CERS6: variants seen among roughly 807,000 people sequenced by gnomAD.
CERS6 encodes the protein LAG1 homolog, ceramide synthase 6.
A neutral mutation model predicts 56.8 loss-of-function variants in CERS6; 26 were observed. The observed-to-expected ratio is 0.46, with a 90% CI of 0.34 to 0.63. The LOEUF (loss-of-function observed/expected upper bound fraction) is 0.63, where lower values mean the gene tolerates loss of function less well. Among genes scored for constraint, CERS6 ranks in the 30% least tolerant of loss-of-function variants. The pLI is 0.01. For missense variants in CERS6, 415 were observed against 467.5 expected, an observed-to-expected ratio of 0.89 and a Z score of 1.04; for synonymous variants, 164 against 173.3, an observed-to-expected ratio of 0.95 and a Z score of 0.42.
chr2:168,479,845 T>C (rs1199813629), intron 1 of CERS6, among the ~76,000 whole-genome samples: 1 of 152,154 alleles, frequency 6.6e-6, no homozygotes, highest in Non-Finnish European at 1.5e-5. Flanking sequence ...CGACCTAAGG[T>C]GATCTGCCCG....
intron 1 of CERS6, among the ~76,000 whole-genome samples, chr2:168,536,238 G>T (rs1362206445): frequency 6.6e-6 from 1 of 152,124 alleles, no homozygotes; most frequent in South Asian, 2.1e-4. Context: ...TAACAACATG[G>T]TGGGACTTTG....
In CERS6 at chr2:168,456,372, G is replaced by A. The variant is rs1693651178; in HGVS notation, c.-77G>A. 5 of 1,204,838 alleles carry A rather than the reference G, an allele frequency of 4.1e-6. No individual in the cohort carries two copies. The highest frequency in any genetic ancestry group is 5.5e-6 in the Non-Finnish European group (5 of 910,008). The allele number at this position is 1,204,838 out of a possible 1,614,324, so 74.6% of individuals were successfully genotyped here. On this transcript the variant is annotated 5_prime_UTR_variant, in exon 1 of 10. Transcript: ENST00000305747. The surrounding 1 kb of genome is among the most constrained non-coding windows in gnomAD (Gnocchi z 4.1). ...GGCACAGGCTCGGGGCCAGCCGGGC[G>A]CGCATCCCCGGGCGCCCTGCGCGGT...
chr2:168,511,837 TTAAGA>T (rs1694792415), intron 1 of CERS6, among the ~76,000 whole-genome samples: 1 of 152,106 alleles, frequency 6.6e-6, no homozygotes, highest in East Asian at 1.9e-4. Context: ...ACCACCATAA[TTAAGA>T]TAAAGGATTC....
chr2:168,534,805 C>T (rs1421248366), intron 1 of CERS6, among the ~76,000 whole-genome samples: 1 of 152,208 alleles, frequency 6.6e-6, no homozygotes, highest in Non-Finnish European at 1.5e-5. Context: ...CTGGGCTGCC[C>T]AGATTCCTCA....
chr2:168,694,673 GA>G (rs1338137589), intron 5 of CERS6, among the ~76,000 whole-genome samples: 4 of 152,084 alleles, frequency 2.6e-5, no homozygotes, highest in Admixed American at 1.3e-4. Flanking sequence ...AGATACTTGT[GA>G]CAAAGAATCA....
chr2:168,769,960 CCTCA>C lies in CERS6; in HGVS notation c.*302_*305del. On this transcript the variant is annotated 3_prime_UTR_variant, in exon 10 of 10. Transcript: ENST00000305747. ...TAAATCTGTGGACAAAAGAGGGTTTCCTCACTCCTTTTACTCACTGGGCTCATGA... is the reference window on the plus strand; with the variant it reads ...TAAATCTGTGGACAAAAGAGGGTTTCCTCCTTTTACTCACTGGGCTCATGA... The C allele has an allele frequency of 3.2e-6, 1 of 310,852 alleles. No homozygotes were observed. Among genetic ancestry groups the C allele is most frequent in the Non-Finnish European group, 5.9e-6 (1 of 169,376 alleles). 19.3% of individuals were successfully genotyped at this position (310,852 alleles called of 1,614,324 possible). A position where few individuals can be genotyped will look rare whatever the true frequency, so the allele number is the denominator to read the frequency against.
At chr2:168,464,466 C>T (rs1035842431) in intron 1 of CERS6, among the ~76,000 whole-genome samples, 4 of 152,084 alleles carry the variant, frequency 2.6e-5, no homozygotes, top group Non-Finnish European at 5.9e-5. Context: ...TGGCCTTATA[C>T]TCTTTTATTT....
At chr2:168,477,961 T>C (rs1313257917) in intron 1 of CERS6, among the ~76,000 whole-genome samples, 1 of 152,220 alleles carries the variant, frequency 6.6e-6, no homozygotes, top group East Asian at 1.9e-4. Context: ...AGGCTTCCTA[T>C]GCAAAAAGAA....
At chr2:168,635,741 A>G (rs1296242400) in intron 4 of CERS6, among the ~76,000 whole-genome samples, 2 of 152,180 alleles carry the variant, frequency 1.3e-5, no homozygotes, top group Admixed American at 6.5e-5. Flanking sequence ...TGTGGTTGAG[A>G]GTGCCCCGTC....
chr2:168,719,966 T>G (rs2105395626), intron 8 of CERS6, among the ~76,000 whole-genome samples: 1 of 152,134 alleles, frequency 6.6e-6, no homozygotes, highest in African/African-American at 2.4e-5. Flanking sequence ...GACAGAGTCT[T>G]TCCCTGTCGC....
intron 1 of CERS6, among the ~76,000 whole-genome samples, chr2:168,536,897 A>C (rs1207250191): frequency 6.6e-6 from 1 of 152,114 alleles, no homozygotes; most frequent in African/African-American, 2.4e-5. Flanking sequence ...CTGCTTTTAA[A>C]ATTCACAAAA....
At chr2:168,718,017 T>G in intron 8 of CERS6, 39 bp downstream of exon 8, 1 of 1,407,442 alleles carries the variant, frequency 7.1e-7, no homozygotes. Flanking sequence ...AGCCACCCTT[T>G]CCAAATAAGC....
intron 1 of CERS6, among the ~76,000 whole-genome samples, chr2:168,526,917 G>A (rs1695081749): frequency 1.3e-5 from 2 of 152,234 alleles, no homozygotes; most frequent in African/African-American, 4.8e-5. Flanking sequence ...CCAGTTGGCA[G>A]GAGCATCCCC....
At chr2:168,585,403 T>C (rs1683517407) in intron 3 of CERS6, among the ~76,000 whole-genome samples, 2 of 152,258 alleles carry the variant, frequency 1.3e-5, no homozygotes, top group Admixed American at 6.5e-5. Context: ...CTGCTATCCC[T>C]GTCTCTTCCC....
intron 1 of CERS6, among the ~76,000 whole-genome samples, chr2:168,476,564 C>T (rs931867607): frequency 1.2e-4 from 18 of 151,976 alleles, no homozygotes; most frequent in East Asian, 1.9e-4. Context: ...GTGGCTGAGA[C>T]GTCCTGCAAT....
intron 1 of CERS6, among the ~76,000 whole-genome samples, chr2:168,524,872 T>C (rs1216206677): frequency 6.6e-6 from 1 of 151,544 alleles, no homozygotes; most frequent in East Asian, 1.9e-4. Context: ...TTTAACTATA[T>C]TACTTGTGTA....
intron 1 of CERS6, among the ~76,000 whole-genome samples, chr2:168,544,705 A>G (rs1183744464): frequency 6.6e-6 from 1 of 152,134 alleles, no homozygotes; most frequent in Non-Finnish European, 1.5e-5. Context: ...GATGAGAGTC[A>G]CCACAATTTT....
At chr2:168,641,161 C>G (rs1442448565) in intron 4 of CERS6, among the ~76,000 whole-genome samples, 3 of 152,172 alleles carry the variant, frequency 2.0e-5, no homozygotes, top group African/African-American at 4.8e-5. Context: ...CATGATTGCT[C>G]AGACCACTTG....
At chr2:168,473,386 A>C (rs182894941) in intron 1 of CERS6, among the ~76,000 whole-genome samples, 4 of 152,250 alleles carry the variant, frequency 2.6e-5, no homozygotes, top group Admixed American at 2.0e-4. Context: ...GTATCTCTAC[A>C]AAAAGGGCAC....
Sources: gnomAD v4.1 joint callset for allele counts (sites outside exome capture counted in the v4.1 genomes callset) on GRCh38, gnomAD v4.1.1 for gene constraint, Gnocchi (gnomAD v3.1) non-coding constraint, MANE v1.5 for transcripts, NCBI Gene and HGNC (gene_info 2026-07-23, HGNC 2026-07-21) for gene names.